The following MFSD11 variants were observed in gnomAD, a reference collection of about 807,000 sequenced individuals.
MFSD11 encodes UNC93-like protein MFSD11.
MFSD11 carries 36 observed loss-of-function variants against 53.5 expected under a neutral mutation model. The observed-to-expected ratio is 0.67, with a 90% CI of 0.52 to 0.89. MFSD11 has a LOEUF of 0.89. Among genes scored for constraint, MFSD11 ranks in the 40% least tolerant of loss-of-function variants. The pLI is 0.00. For synonymous variants in MFSD11, 186 were observed against 184.9 expected (o/e 1.01, Z -0.05); for missense variants, 530 against 543.9 (o/e 0.97, Z 0.25).
chr17:76,791,161 T>C, the MFSD11 span, among the ~76,000 whole-genome samples: 2 of 148,638 alleles, frequency 1.3e-5, 1 homozygote, highest in Non-Finnish European at 3.0e-5. Flanking sequence ...TTTTCTGAGC[T>C]GCTATTAAAT....
At chr17:76,785,824 A>C (rs2082267304), downstream of MFSD11, among the ~76,000 whole-genome samples, 1 of 151,968 alleles carries the variant, frequency 6.6e-6, no homozygotes, top group Non-Finnish European at 1.5e-5. Context: ...CTCATGCCTA[A>C]AATCCCAGCG....
intron 8 of MFSD11, among the ~76,000 whole-genome samples, chr17:76,757,225 G>A (rs1202777758): frequency 6.6e-6 from 1 of 152,192 alleles, no homozygotes; most frequent in Non-Finnish European, 1.5e-5. Flanking sequence ...GTAAAAGGAG[G>A]CACTGACACA....
At chr17:76,738,488 C>A in intron 1 of MFSD11, 40 bp downstream of exon 1, 1 of 1,396,958 alleles carries the variant, frequency 7.2e-7, no homozygotes, top group Non-Finnish European at 1.0e-6. Context: ...AAGTGCCCAT[C>A]ATAATGCAGT....
At chr17:76,800,616 T>A in the MFSD11 span, among the ~76,000 whole-genome samples, 7 of 152,294 alleles carry the variant, frequency 4.6e-5, no homozygotes, top group Admixed American at 4.6e-4. Context: ...AATGGTACAT[T>A]ATTATTTGTT....
At chr17:76,787,575 A>G in the MFSD11 span, among the ~76,000 whole-genome samples, 4 of 150,292 alleles carry the variant, frequency 2.7e-5, no homozygotes, top group African/African-American at 4.9e-5. Flanking sequence ...CCTCCAAGAA[A>G]ATGAAAGGCT....
intron 8 of MFSD11, among the ~76,000 whole-genome samples, chr17:76,764,469 T>G (rs2080620628): frequency 6.6e-6 from 1 of 152,216 alleles, no homozygotes; most frequent in Admixed American, 6.5e-5. Flanking sequence ...AGTTTGACTT[T>G]TTAATATTCC....
intron 9 of MFSD11, chr17:76,769,105 C>G (rs2081154494): frequency 6.6e-6 from 1 of 152,210 alleles, no homozygotes; most frequent in African/African-American, 2.4e-5. Flanking sequence ...CCATCTCCGC[C>G]TGCATGGAGA....
At chr17:76,766,722 GTTAGT>G (rs1274105885) in intron 8 of MFSD11, among the ~76,000 whole-genome samples, 1 of 152,212 alleles carries the variant, frequency 6.6e-6, no homozygotes, top group East Asian at 1.9e-4. Flanking sequence ...TGGATCCACT[GTTAGT>G]TTTGTGTACT....
In MFSD11 at chr17:76,776,376, T is replaced by C; in HGVS notation, c.1050-30T>C. The stretch of plus-strand genomic sequence containing the variant: ...TTTAAATGGCTCTAGCAGATATTGC[T>C]CATACTAAATTGATTTTTATTTTCT... On this transcript the variant is annotated intron_variant, in intron 11 of 12. Coordinates refer to ENST00000685175, the MANE Select transcript of MFSD11 (RefSeq NM_001242532.5). This position sits in a 1 kb window ranked among gnomAD's most constrained non-coding sequence, Gnocchi z 4.2. 6.2e-7 allele frequency: 1 copy of C among 1,610,212 alleles called. No homozygotes were observed. Among genetic ancestry groups the C allele is most frequent in the Non-Finnish European group, 8.5e-7 (1 of 1,178,840 alleles).
intron 8 of MFSD11, among the ~76,000 whole-genome samples, chr17:76,756,411 A>G (rs2079639854): frequency 6.6e-6 from 1 of 152,106 alleles, no homozygotes; most frequent in African/African-American, 2.4e-5. Context: ...GGCGTGAGCC[A>G]CCACACCTGG....
rs755799381 is a variant in MFSD11 at position 76,741,032 on chromosome 17, ACT to A, written c.233_234del (p.Ser78TyrfsTer51). On this transcript the variant is annotated frameshift_variant, in exon 3 of 13. Transcript: ENST00000685175. LOFTEE classifies it high-confidence loss of function. ...CAGTGGTTGCCATTGTAGGACCTCA[ACT>A]CTCTATGTTTGCCAGTGGTTTATTT... ...PSVVAIVGPQ[L>X]SMFASGLFYS... 31 of 1,611,046 alleles carry A rather than the reference ACT, an allele frequency of 1.9e-5. No individual in the cohort carries two copies. Among genetic ancestry groups the A allele is most frequent in the Middle Eastern group, 1.6e-4 (1 of 6,072 alleles).
At chr17:76,786,840 G>A in the MFSD11 span, among the ~76,000 whole-genome samples, 1,691 of 152,112 alleles carry the variant, frequency 0.011, 28 homozygotes, top group African/African-American at 0.039. Flanking sequence ...TTTTGACACG[G>A]AGTCTCGCTC....
chr17:76,766,107 T>G (rs1165424125), intron 8 of MFSD11, among the ~76,000 whole-genome samples: 2 of 150,820 alleles, frequency 1.3e-5, no homozygotes, highest in Non-Finnish European at 2.9e-5. Flanking sequence ...GTTAGCTAAG[T>G]CTTCTGATTT....
At chr17:76,736,996 G>A, upstream of MFSD11, 7 of 1,613,462 alleles carry the variant, frequency 4.3e-6, no homozygotes, top group South Asian at 1.1e-5. Flanking sequence ...AGGCGAAGCC[G>A]CGGGACTCCT....
At chr17:76,786,342 G>A (rs540926541), downstream of MFSD11, among the ~76,000 whole-genome samples, 3 of 151,796 alleles carry the variant, frequency 2.0e-5, no homozygotes, top group Non-Finnish European at 2.9e-5. Flanking sequence ...ACAGGGTTTC[G>A]CCATGTTGGC....
chr17:76,771,608 T>TTTTTGC (rs2081382349), intron 10 of MFSD11, among the ~76,000 whole-genome samples: 1 of 152,184 alleles, frequency 6.6e-6, no homozygotes, highest in Non-Finnish European at 1.5e-5. Flanking sequence ...GGTTTGTTTG[T>TTTTTGC]TTTTGCTTTT....
At chr17:76,802,612 C>T in the MFSD11 span, among the ~76,000 whole-genome samples, 1 of 152,182 alleles carries the variant, frequency 6.6e-6, no homozygotes, top group Non-Finnish European at 1.5e-5. Flanking sequence ...GGGCACATGG[C>T]TCACACTTGT....
At chr17:76,753,806 A>G (rs936928981) in intron 7 of MFSD11, among the ~76,000 whole-genome samples, 2 of 152,146 alleles carry the variant, frequency 1.3e-5, no homozygotes, top group Non-Finnish European at 2.9e-5. Context: ...CAATAAGTGT[A>G]ATCTGAAAGA....
chr17:76,737,201 G>A (rs1239064677), upstream of MFSD11: 3 of 1,505,256 alleles, frequency 2.0e-6, no homozygotes, highest in African/African-American at 1.4e-5. Context: ...ACTGGCGCCG[G>A]CTTCCTCAGC....
Sources: allele counts gnomAD v4.1 joint callset (sites outside exome capture counted in the v4.1 genomes callset), GRCh38; gene constraint gnomAD v4.1.1; non-coding constraint Gnocchi (gnomAD v3.1); transcripts MANE v1.5; gene names NCBI Gene and HGNC (gene_info 2026-07-23, HGNC 2026-07-21).